The following FHIT variants were observed in gnomAD, a reference collection of about 807,000 sequenced individuals.
FHIT encodes the protein fragile histidine triad diadenosine triphosphatase.
FHIT carries 19 observed loss-of-function variants against 17.9 expected under a neutral mutation model. The observed-to-expected ratio is 1.06, with a 90% CI of 0.74 to 1.56. The LOEUF (loss-of-function observed/expected upper bound fraction) is 1.56, where lower values mean the gene tolerates loss of function less well. FHIT is among the 40% of genes most tolerant of loss of function. FHIT has a pLI of 0.00. For missense variants in FHIT, 248 were observed against 189.2 expected (o/e 1.31, Z -1.82); for synonymous variants, 81 against 69.7 (o/e 1.16, Z -0.81).
intron 4 of FHIT, among the ~76,000 whole-genome samples, chr3:60,609,411 C>T (rs529792471): frequency 5.9e-5 from 9 of 152,076 alleles, no homozygotes; most frequent in South Asian, 2.1e-4. Flanking sequence ...CTGCAATCTC[C>T]GCCTCTCGGG....
intron 3 of FHIT, among the ~76,000 whole-genome samples, chr3:60,864,524 A>T (rs945693768): frequency 5.3e-5 from 8 of 152,202 alleles, no homozygotes; most frequent in Admixed American, 3.3e-4. Context: ...AGTAGAAGAA[A>T]CTGCATTGGT....
chr3:60,740,988 A>T (rs1372962515), intron 4 of FHIT, among the ~76,000 whole-genome samples: 2 of 152,206 alleles, frequency 1.3e-5, no homozygotes, highest in East Asian at 3.8e-4. Context: ...ACCATCACAG[A>T]AGCATTCACT....
intron 5 of FHIT, among the ~76,000 whole-genome samples, chr3:60,389,473 G>A (rs1238525760): frequency 2.0e-5 from 3 of 152,174 alleles, no homozygotes; most frequent in Non-Finnish European, 4.4e-5. Context: ...TAGGCTTTCT[G>A]CTTATACACT....
At chr3:60,239,036 A>G (rs1266980092) in intron 5 of FHIT, among the ~76,000 whole-genome samples, 4 of 152,208 alleles carry the variant, frequency 2.6e-5, no homozygotes, top group Non-Finnish European at 5.9e-5. Context: ...GTATATACTT[A>G]GCCCAGGTCT....
At chr3:60,991,176 G>T (rs2030178915) in intron 3 of FHIT, among the ~76,000 whole-genome samples, 2 of 152,266 alleles carry the variant, frequency 1.3e-5, no homozygotes, top group South Asian at 2.1e-4. Flanking sequence ...GAAGGAATCA[G>T]CCATAAAAAG....
intron 5 of FHIT, among the ~76,000 whole-genome samples, chr3:60,464,895 T>C (rs914111157): frequency 2.0e-5 from 3 of 152,126 alleles, no homozygotes; most frequent in Non-Finnish European, 4.4e-5. Context: ...GTTTGCTGGA[T>C]CATATGGTAG....
intron 5 of FHIT, among the ~76,000 whole-genome samples, chr3:60,051,995 G>A (rs536231722): frequency 5.9e-5 from 9 of 152,132 alleles, no homozygotes; most frequent in Non-Finnish European, 1.3e-4. Flanking sequence ...ATCAGATGTT[G>A]TGGAGCCTCT....
chr3:60,500,771 T>TTAAAAAAAAAAAA (rs751877681), intron 5 of FHIT, among the ~76,000 whole-genome samples: 1 of 64,864 alleles, frequency 1.5e-5, no homozygotes, highest in African/African-American at 6.2e-5. Context: ...AGCATCCATC[T>TTAAAAAAAAAAAA]AAAAAAAAAA....
chr3:60,003,301 T>C (rs1699798265), intron 7 of FHIT, among the ~76,000 whole-genome samples: 1 of 152,208 alleles, frequency 6.6e-6, no homozygotes, highest in African/African-American at 2.4e-5. Flanking sequence ...ATAAATTATA[T>C]GGCAGCCTAT....
At chr3:60,562,748 T>C (rs1233323257) in intron 4 of FHIT, among the ~76,000 whole-genome samples, 3 of 152,160 alleles carry the variant, frequency 2.0e-5, no homozygotes, top group Admixed American at 2.0e-4. Context: ...CATATGTGTA[T>C]TAAGACTTTG....
At chr3:60,892,861 A>G (rs754870791) in intron 3 of FHIT, among the ~76,000 whole-genome samples, 2 of 152,222 alleles carry the variant, frequency 1.3e-5, no homozygotes, top group African/African-American at 4.8e-5. Flanking sequence ...ACAAAATACA[A>G]CTATGTTAAA....
intron 3 of FHIT, among the ~76,000 whole-genome samples, chr3:60,877,287 A>C (rs782067431): frequency 5.9e-5 from 9 of 152,174 alleles, no homozygotes; most frequent in Non-Finnish European, 1.0e-4. Flanking sequence ...ACCCCAAACC[A>C]GTGGCCACAG....
intron 3 of FHIT, among the ~76,000 whole-genome samples, chr3:60,920,189 A>AT (rs1707208377): frequency 6.6e-6 from 1 of 152,210 alleles, no homozygotes. Context: ...AAGCAAATGA[A>AT]TAAATGTATG....
chr3:60,725,895 T>A (rs1553709406), intron 4 of FHIT, among the ~76,000 whole-genome samples: 1 of 152,154 alleles, frequency 6.6e-6, no homozygotes, highest in East Asian at 1.9e-4. Flanking sequence ...AGAATCATTA[T>A]CTTCATTTTA....
At chr3:60,820,883 G>C (rs915662422) in intron 4 of FHIT, among the ~76,000 whole-genome samples, 1 of 152,118 alleles carries the variant, frequency 6.6e-6, no homozygotes, top group Non-Finnish European at 1.5e-5. Context: ...GTAAATATGA[G>C]TCCTAAGGAG....
chr3:60,026,641 G>C (rs1361512461), intron 5 of FHIT, among the ~76,000 whole-genome samples: 2 of 151,830 alleles, frequency 1.3e-5, no homozygotes, highest in Non-Finnish European at 2.9e-5. Context: ...TTCAAAATAT[G>C]GTTGCTAACA....
At chr3:60,252,183 G>A (rs946667207) in intron 5 of FHIT, among the ~76,000 whole-genome samples, 3 of 152,150 alleles carry the variant, frequency 2.0e-5, no homozygotes, top group African/African-American at 7.2e-5. Context: ...GACACTTGAT[G>A]CAAGCAACAC....
At chr3:59,815,906 T>G (rs1315663445) in intron 8 of FHIT, among the ~76,000 whole-genome samples, 2 of 151,840 alleles carry the variant, frequency 1.3e-5, no homozygotes, top group Non-Finnish European at 2.9e-5. Flanking sequence ...AAAATTTAAA[T>G]CAGCTAGAGC....
chr3:59,808,475 C>G (rs1424885630), intron 8 of FHIT, among the ~76,000 whole-genome samples: 1 of 152,198 alleles, frequency 6.6e-6, no homozygotes, highest in Non-Finnish European at 1.5e-5. Flanking sequence ...GATGACCAGT[C>G]TCTACCCTAC....
Sources: allele counts gnomAD v4.1 joint callset (sites outside exome capture counted in the v4.1 genomes callset), GRCh38; gene constraint gnomAD v4.1.1; transcripts MANE v1.5; gene names NCBI Gene and HGNC (gene_info 2026-07-23, HGNC 2026-07-21).